The following SDK1 variants were observed in gnomAD, a reference collection of about 807,000 sequenced individuals.
SDK1 encodes protein sidekick-1.
A neutral mutation model predicts 245.5 loss-of-function variants in SDK1; 157 were observed. The ratio of observed to expected loss-of-function variants is 0.64; its 90% CI spans 0.56 to 0.73. The LOEUF (loss-of-function observed/expected upper bound fraction) is 0.73. Ranked by LOEUF, SDK1 falls within the 30% of genes least tolerant of loss-of-function variation. The pLI, the probability that SDK1 is intolerant of heterozygous loss-of-function variation, is 0.00. For missense variants in SDK1, 3,583 were observed against 3,002.3 expected (o/e 1.19, Z -4.52); for synonymous variants, 1,647 against 1,278.5 (o/e 1.29, Z -6.15).
intron 17 of SDK1, among the ~76,000 whole-genome samples, chr7:4,036,001 T>C (rs920449675): frequency 9.9e-5 from 15 of 152,210 alleles, no homozygotes; most frequent in African/African-American, 3.6e-4. Flanking sequence ...CAAAAATCTC[T>C]TTTAAGATTT....
intron 4 of SDK1, among the ~76,000 whole-genome samples, chr7:3,652,241 A>G (rs887918414): frequency 6.6e-6 from 1 of 152,166 alleles, no homozygotes; most frequent in Non-Finnish European, 1.5e-5. Context: ...GTTTTTTCTT[A>G]CCATGGGGGA....
At chr7:4,044,071 A>C (rs1788838781) in intron 17 of SDK1, among the ~76,000 whole-genome samples, 1 of 152,186 alleles carries the variant, frequency 6.6e-6, no homozygotes, top group African/African-American at 2.4e-5. Flanking sequence ...TAGAGATTAA[A>C]AGCAACACCT....
At chr7:4,234,279 G>T (rs1465762429) in intron 41 of SDK1, among the ~76,000 whole-genome samples, 1 of 152,198 alleles carries the variant, frequency 6.6e-6, no homozygotes, top group Non-Finnish European at 1.5e-5. Flanking sequence ...TTCGCTGTGA[G>T]GTACCGCAGG....
intron 18 of SDK1, among the ~76,000 whole-genome samples, chr7:4,050,615 C>T (rs1053433881): frequency 1.3e-5 from 2 of 152,104 alleles, no homozygotes; most frequent in African/African-American, 2.4e-5. Context: ...AACACGCTTT[C>T]CTTAGGTTGT....
At chr7:3,407,874 G>T (rs926164084) in intron 1 of SDK1, among the ~76,000 whole-genome samples, 3 of 152,124 alleles carry the variant, frequency 2.0e-5, no homozygotes, top group African/African-American at 7.2e-5. Context: ...CACAGGTGAG[G>T]CATCCTACCA....
chr7:3,493,072 T>C (rs1444006658), intron 1 of SDK1, among the ~76,000 whole-genome samples: 1 of 152,164 alleles, frequency 6.6e-6, no homozygotes, highest in Non-Finnish European at 1.5e-5. Flanking sequence ...TGCCTCAGCC[T>C]CCCCAGTAGC....
intron 32 of SDK1, among the ~76,000 whole-genome samples, chr7:4,170,552 C>G (rs1043974936): frequency 3.9e-5 from 6 of 152,146 alleles, no homozygotes; most frequent in African/African-American, 1.4e-4. Context: ...CACCACGCCC[C>G]CACATCTCTG....
At chr7:3,509,800 C>T (rs1782518786) in intron 1 of SDK1, among the ~76,000 whole-genome samples, 1 of 152,082 alleles carries the variant, frequency 6.6e-6, no homozygotes, top group Non-Finnish European at 1.5e-5. Flanking sequence ...AGAGAGCCCC[C>T]CAGGACATAC....
At chr7:3,466,173 A>G (rs1780994544) in intron 1 of SDK1, among the ~76,000 whole-genome samples, 1 of 151,744 alleles carries the variant, frequency 6.6e-6, no homozygotes, top group Non-Finnish European at 1.5e-5. Flanking sequence ...CCCTGTGGGA[A>G]ACTACCTGCC....
chr7:3,328,781 G>A (rs1255377831), intron 1 of SDK1, among the ~76,000 whole-genome samples: 3 of 152,178 alleles, frequency 2.0e-5, no homozygotes, highest in East Asian at 3.9e-4. Context: ...AGTGACTGAA[G>A]TATTCCACAT....
intron 1 of SDK1, among the ~76,000 whole-genome samples, chr7:3,572,807 T>G (rs1005586731): frequency 2.6e-5 from 4 of 152,026 alleles, no homozygotes; most frequent in Non-Finnish European, 5.9e-5. Context: ...AACAGTTGAG[T>G]AAACGTAAAC....
chr7:3,914,087 G>C (rs1339523099), intron 5 of SDK1, among the ~76,000 whole-genome samples: 1 of 152,190 alleles, frequency 6.6e-6, no homozygotes, highest in Non-Finnish European at 1.5e-5. Flanking sequence ...CCCAGCCCTG[G>C]GGATAGCTTA....
intron 4 of SDK1, among the ~76,000 whole-genome samples, chr7:3,660,681 C>G (rs913440268): frequency 1.1e-4 from 16 of 152,156 alleles, no homozygotes; most frequent in African/African-American, 3.4e-4. Flanking sequence ...GATCAAACAA[C>G]CATAGCAGCA....
chr7:3,781,496 T>A (rs1583407626), intron 4 of SDK1, among the ~76,000 whole-genome samples: 2 of 152,228 alleles, frequency 1.3e-5, no homozygotes, highest in East Asian at 3.9e-4. Context: ...AATGTGCAGA[T>A]AACACAAGGA....
At position 3,407,146 on chromosome 7, in the gene SDK1, G is replaced by T. The variant is rs140107871; in HGVS notation, c.298+105262G>T. 4.9e-3 allele frequency among the ~76,000 whole-genome samples: 745 copies of T among 152,246 alleles called. 9 individuals carry two copies. Among genetic ancestry groups the T allele is most frequent in the African/African-American group, 0.017 (699 of 41,540 alleles). ...ACTGCTCTGCACTAATGATGCGTGG[G>T]GTGAAAGAAGTCCTTGCACACTGGC... On this transcript the variant is annotated intron_variant, in intron 1 of 44. Coordinates refer to ENST00000404826, the MANE Select transcript of SDK1 (RefSeq NM_152744.4).
At chr7:4,075,521 C>A (rs1395166223) in intron 20 of SDK1, among the ~76,000 whole-genome samples, 1 of 152,116 alleles carries the variant, frequency 6.6e-6, no homozygotes, top group Non-Finnish European at 1.5e-5. Flanking sequence ...CAGCTGTTTT[C>A]TTTTGCCTGT....
At chr7:3,563,777 A>G (rs1314829126) in intron 1 of SDK1, among the ~76,000 whole-genome samples, 1 of 152,198 alleles carries the variant, frequency 6.6e-6, no homozygotes, top group African/African-American at 2.4e-5. Flanking sequence ...AGTGATTATA[A>G]AAATAAACCG....
chr7:4,137,158 G>T (rs1025476852), intron 28 of SDK1, among the ~76,000 whole-genome samples: 1 of 152,210 alleles, frequency 6.6e-6, no homozygotes, highest in East Asian at 1.9e-4. Flanking sequence ...AGCTGGGCAC[G>T]GTGGCACACA....
At chr7:3,772,169 C>G (rs1202948080) in intron 4 of SDK1, among the ~76,000 whole-genome samples, 1 of 151,860 alleles carries the variant, frequency 6.6e-6, no homozygotes, top group Non-Finnish European at 1.5e-5. Context: ...TGTCTTATCA[C>G]TTTTTTGGTT....
Sources: gnomAD v4.1 joint callset for allele counts (sites outside exome capture counted in the v4.1 genomes callset) on GRCh38, gnomAD v4.1.1 for gene constraint, MANE v1.5 for transcripts, NCBI Gene and HGNC (gene_info 2026-07-23, HGNC 2026-07-21) for gene names.